The following SIPA1L2 variants were observed in gnomAD, a reference collection of about 807,000 sequenced individuals.
The protein encoded by SIPA1L2 is signal-induced proliferation-associated 1-like protein 2.
A neutral mutation model predicts 163.9 loss-of-function variants in SIPA1L2; 56 were observed. The ratio of observed to expected loss-of-function variants is 0.34; its 90% CI spans 0.28 to 0.43. The LOEUF is 0.43. Among genes scored for constraint, SIPA1L2 ranks in the 20% least tolerant of loss-of-function variants. SIPA1L2 has a pLI of 1.00. For missense variants in SIPA1L2, 1,974 were observed against 2,193.5 expected (o/e 0.90, Z 2.00); for synonymous variants, 877 against 865.7 (o/e 1.01, Z -0.23).
At chr1:232,582,987 A>G (rs557600994) in intron 1 of SIPA1L2, among the ~76,000 whole-genome samples, 113 of 152,310 alleles carry the variant, frequency 7.4e-4, no homozygotes, top group South Asian at 4.4e-3. Context: ...CTACTCCACA[A>G]TGAACACAAA....
At chr1:232,405,770 A>C (rs1323603580) in intron 19 of SIPA1L2, among the ~76,000 whole-genome samples, 2 of 152,180 alleles carry the variant, frequency 1.3e-5, no homozygotes, top group African/African-American at 4.8e-5. Context: ...GTTTTATGCA[A>C]GCCAGTGATA....
At chr1:232,572,714 TATAC>T (rs1558277320) in intron 2 of SIPA1L2, among the ~76,000 whole-genome samples, 2 of 73,422 alleles carry the variant, frequency 2.7e-5, no homozygotes, top group African/African-American at 9.0e-5. Context: ...TATATATATA[TATAC>T]ACACATATAT....
intron 2 of SIPA1L2, among the ~76,000 whole-genome samples, chr1:232,552,167 G>A (rs1436793831): frequency 2.0e-5 from 3 of 152,126 alleles, no homozygotes; most frequent in Non-Finnish European, 4.4e-5. Context: ...AAGCCAGAGA[G>A]GGTTAGATTT....
At chr1:232,534,053 T>C (rs1204768883) in intron 2 of SIPA1L2, among the ~76,000 whole-genome samples, 1 of 151,910 alleles carries the variant, frequency 6.6e-6, no homozygotes, top group Non-Finnish European at 1.5e-5. Context: ...AAAATTCATA[T>C]GAAACCTCAA....
rs1412228614 is a variant in SIPA1L2 at position 232,537,249 on chromosome 1, A to AT, written c.-269-21642dup. On this transcript the variant is annotated intron_variant, in intron 2 of 22. Coordinates refer to ENST00000674635, the MANE Select transcript of SIPA1L2 (RefSeq NM_020808.5). ...GAGACCCTGTCTCAAAAATAAATAA[A>AT]TAATAATAATTACATTATGTATTAA... Among the ~76,000 whole-genome samples the AT allele has an allele frequency of 3.3e-5, 5 of 151,738 alleles. No homozygotes were observed. In the East Asian group the frequency reaches 9.7e-4, roughly 29 times the overall value.
chr1:232,573,667 G>A (rs114747702), intron 2 of SIPA1L2, among the ~76,000 whole-genome samples: 1,660 of 152,162 alleles, frequency 0.011, 31 homozygotes, highest in African/African-American at 0.038. Flanking sequence ...CAAGGAAGGG[G>A]TTTAGATGAC....
chr1:232,522,489 T>C (rs1013009365), intron 2 of SIPA1L2, among the ~76,000 whole-genome samples: 1 of 130,950 alleles, frequency 7.6e-6, no homozygotes, highest in African/African-American at 2.9e-5. Context: ...GTGGCCCCCA[T>C]AGCATTGTGC....
At chr1:232,418,571 C>A (rs549478754) in intron 18 of SIPA1L2, among the ~76,000 whole-genome samples, 1 of 152,224 alleles carries the variant, frequency 6.6e-6, no homozygotes, top group African/African-American at 2.4e-5. Flanking sequence ...CCTGCTACCC[C>A]CTACGCAATG....
At chr1:232,428,066 A>G (rs1662005916) in intron 17 of SIPA1L2, among the ~76,000 whole-genome samples, 1 of 152,192 alleles carries the variant, frequency 6.6e-6, no homozygotes, top group Non-Finnish European at 1.5e-5. Context: ...TTCAGTTATT[A>G]TGATCTCCTT....
chr1:232,481,118 A>C (rs2102971995), intron 6 of SIPA1L2, among the ~76,000 whole-genome samples: 1 of 151,748 alleles, frequency 6.6e-6, no homozygotes, highest in African/African-American at 2.4e-5. Context: ...CAGCCCCGCC[A>C]AAAAAAAATT....
chr1:232,572,804 G>C (rs1168554702), intron 2 of SIPA1L2, among the ~76,000 whole-genome samples: 3 of 141,638 alleles, frequency 2.1e-5, no homozygotes, highest in Non-Finnish European at 3.0e-5. Flanking sequence ...TTTTCCTTGA[G>C]ACAAAGTCTA....
rs1658424977 is a variant in SIPA1L2 at position 232,552,088 on chromosome 1, C to T, written c.-270+22086G>A. Reference sequence around the variant, plus strand: ...TTCCTGACCTCAGGCGATCCACCCACCTCGGCCTCCCAAAGTGCTGGGATT... The same window carrying T: ...TTCCTGACCTCAGGCGATCCACCCATCTCGGCCTCCCAAAGTGCTGGGATT... On this transcript the variant is annotated intron_variant, in intron 2 of 22. Coordinates refer to ENST00000674635, the MANE Select transcript of SIPA1L2 (RefSeq NM_020808.5). Among the ~76,000 whole-genome samples, 2 of 152,176 alleles carry T rather than the reference C, an allele frequency of 1.3e-5. 1 individual carries two copies. The highest frequency in any genetic ancestry group is 4.1e-4 in the South Asian group (2 of 4,834).
In SIPA1L2 at chr1:232,460,927, C is replaced by T; in HGVS notation, c.3055G>A (p.Val1019Met). The T allele has an allele frequency of 6.2e-7, 1 of 1,614,228 alleles. No homozygotes were observed. The highest frequency in any genetic ancestry group is 8.5e-7 in the Non-Finnish European group (1 of 1,180,044). ...DLLRTSVTVKVVIIQPHDDGS... is the reference protein window; with the variant it reads ...DLLRTSVTVKMVIIQPHDDGS... ...TCATCATGGGGCTGGATGATGACCA[C>T]CTTCACAGTCACAGAAGTACGGAGC... Residue 1019 changes from valine to methionine, a missense_variant, in exon 10 of 23, where the codon GTG becomes ATG. Physicochemically the swap from Val to Met is conservative, Grantham distance 21. This residue lies in a region of SIPA1L2 where 1,079 missense variants were observed against 1,150.7 expected (regional missense o/e 0.94). Coordinates refer to ENST00000674635, the MANE Select transcript of SIPA1L2 (RefSeq NM_020808.5).
intron 10 of SIPA1L2, among the ~76,000 whole-genome samples, chr1:232,456,807 T>C (rs1663947411): frequency 6.6e-6 from 1 of 152,180 alleles, no homozygotes; most frequent in African/African-American, 2.4e-5. Context: ...ACTGTCTGCT[T>C]GAGAAACACC....
chr1:232,492,863 T>A (rs1304103294), intron 4 of SIPA1L2, among the ~76,000 whole-genome samples: 1 of 152,188 alleles, frequency 6.6e-6, no homozygotes, highest in Admixed American at 6.5e-5. Context: ...ACTTCTGAGT[T>A]AATGCTGGAG....
intron 18 of SIPA1L2, among the ~76,000 whole-genome samples, chr1:232,420,920 C>T (rs899890844): frequency 6.6e-6 from 1 of 152,222 alleles, no homozygotes; most frequent in Non-Finnish European, 1.5e-5. Context: ...GCACGGTGAC[C>T]TCCTGGCATA....
chr1:232,405,340 G>A (rs1558150255), intron 19 of SIPA1L2, among the ~76,000 whole-genome samples: 1 of 152,222 alleles, frequency 6.6e-6, no homozygotes, highest in Non-Finnish European at 1.5e-5. Context: ...TCCACACATC[G>A]AATCTTCCAT....
chr1:232,491,494 T>C (rs759010012), intron 4 of SIPA1L2, among the ~76,000 whole-genome samples: 1 of 152,140 alleles, frequency 6.6e-6, no homozygotes, highest in Admixed American at 6.5e-5. Context: ...CCCTTTCTTA[T>C]CTTACATTTA....
Position 232,458,021 on chromosome 1 carries a change from T to C in SIPA1L2, c.3095+2866A>G, listed in dbSNP as rs567765131. On this transcript the variant is annotated intron_variant, in intron 10 of 22. Coordinates refer to ENST00000674635, the MANE Select transcript of SIPA1L2 (RefSeq NM_020808.5). ...AAAACTGAATTGAAAGAGTTTTAAA[T>C]GATACAGGCTAGGCTTAAAGCCTTC... 1.1e-3 allele frequency among the ~76,000 whole-genome samples: 167 copies of C among 152,356 alleles called. 1 individual carries two copies. Among genetic ancestry groups the C allele is most frequent in the African/African-American group, 3.5e-3 (146 of 41,586 alleles).
Sources: gnomAD v4.1 joint callset for allele counts (sites outside exome capture counted in the v4.1 genomes callset) on GRCh38, gnomAD v4.1.1 for gene constraint, gnomAD v4.1.1 regional missense constraint, MANE v1.5 for transcripts, NCBI Gene and HGNC (gene_info 2026-07-23, HGNC 2026-07-21) for gene names.